The following CREBRF variants were observed in gnomAD, a reference collection of about 807,000 sequenced individuals.
The protein encoded by CREBRF is CREB3 regulatory factor.
A neutral mutation model predicts 66.1 loss-of-function variants in CREBRF; 5 were observed. The ratio of observed to expected loss-of-function variants is 0.08; its 90% confidence interval spans 0.04 to 0.16. The LOEUF is 0.16. Among genes scored for constraint, CREBRF ranks in the 10% least tolerant of loss-of-function variants. The pLI is 1.00. For synonymous variants in CREBRF, 229 were observed against 264.4 expected, an observed-to-expected ratio of 0.87 and a Z score of 1.30; for missense variants, 531 against 744.9, an observed-to-expected ratio of 0.71 and a Z score of 3.34.
Position 173,059,256 on chromosome 5 carries a change from C to CTTTTTTTTTTT in CREBRF, c.-192+2785_-192+2786insTTTTTTTTTTT, listed in dbSNP as rs780723745. On this transcript the variant is annotated intron_variant, in intron 1 of 8. Coordinates refer to ENST00000296953, the MANE Select transcript of CREBRF (RefSeq NM_153607.3). ...AGCTTATTTATCAGTTCTTCTTTTTCTTTTTTTTCTTTTTTTTTTTTTTTT... is the reference window on the plus strand; with the variant it reads ...AGCTTATTTATCAGTTCTTCTTTTTCTTTTTTTTTTTTTTTTTTTCTTTTTTTTTTTTTTTT... Among the ~76,000 whole-genome samples, 62 of 117,634 alleles carry CTTTTTTTTTTT rather than the reference C, an allele frequency of 5.3e-4. 4 individuals are homozygous for CTTTTTTTTTTT. Among genetic ancestry groups the CTTTTTTTTTTT allele is most frequent in the African/African-American group, 7.7e-4 (24 of 31,310 alleles). The allele number at this position is 117,634 out of a possible 152,430, so 77.2% of individuals were successfully genotyped here.
At chr5:173,092,587 GTTA>G (rs1237977784) in intron 4 of CREBRF, among the ~76,000 whole-genome samples, 1 of 151,350 alleles carries the variant, frequency 6.6e-6, no homozygotes, top group Non-Finnish European at 1.5e-5. Flanking sequence ...TGAAAACTAA[GTTA>G]TTATTTAAAA....
At chr5:173,082,014 T>TTTTTTTTTTTTTTTTTG (rs1554123741) in intron 2 of CREBRF, among the ~76,000 whole-genome samples, 1,712 of 113,788 alleles carry the variant, frequency 0.015, 73 homozygotes, top group Non-Finnish European at 0.026. Context: ...TTTTTTTTTT[T>TTTTTTTTTTTTTTTTTG]TTTTTTTTTT....
chr5:173,092,176 A>C, intron 4 of CREBRF: 2 of 945,954 alleles, frequency 2.1e-6, no homozygotes, highest in Non-Finnish European at 2.5e-6. Context: ...AGAATGTTGA[A>C]CCAAGTGATG....
chr5:173,057,904 T>G (rs1052049093), intron 1 of CREBRF, among the ~76,000 whole-genome samples: 2 of 151,368 alleles, frequency 1.3e-5, no homozygotes, highest in Non-Finnish European at 2.9e-5. Context: ...CTTGCTAACA[T>G]AAGTTGGTAG....
intron 1 of CREBRF, among the ~76,000 whole-genome samples, chr5:173,066,724 TA>T (rs1281722489): frequency 6.6e-6 from 1 of 151,914 alleles, no homozygotes; most frequent in East Asian, 1.9e-4. Flanking sequence ...AATCTTTTGG[TA>T]GAATGTGTTG....
At chr5:173,086,319 A>G (rs1416586402) in intron 2 of CREBRF, 182 bp from the exon 3 acceptor site, 1 of 650,478 alleles carries the variant, frequency 1.5e-6, no homozygotes, top group Admixed American at 2.8e-5. Context: ...TATTTTCCTA[A>G]TATAAGTCTA....
chr5:173,062,665 A>C (rs1757308500), intron 1 of CREBRF, among the ~76,000 whole-genome samples: 1 of 150,684 alleles, frequency 6.6e-6, no homozygotes, highest in African/African-American at 2.4e-5. Context: ...TGTGGATGGA[A>C]TCTCTTATTT....
rs138562616 is a variant in CREBRF, at chr5:173,086,512, C to G, written c.21C>G (p.Ser7Arg). 6.2e-7 allele frequency: 1 copy of G among 1,613,446 alleles called. No individual in the cohort carries two copies. Among genetic ancestry groups the G allele is most frequent in the East Asian group, 2.2e-5 (1 of 44,858 alleles). MPQPSV[S>R]GMDPPFGDAF... ...TCACTCTGTTGTAGCCTAGTGTAAG[C>G]GGAATGGATCCGCCTTTCGGGGATG... is the stretch of plus-strand genomic sequence containing the variant. Residue 7 changes from serine (S) to arginine (R), a missense_variant, in exon 3 of 9, where the codon AGC (serine) becomes AGG (arginine). By Grantham distance (110) the Ser-to-Arg change is moderately radical. Transcript: ENST00000296953.
chr5:173,106,901 C>G (rs973414235), intron 4 of CREBRF, among the ~76,000 whole-genome samples: 7 of 152,132 alleles, frequency 4.6e-5, no homozygotes, highest in Non-Finnish European at 1.0e-4. Context: ...AGGCACCCAC[C>G]ACCATGCCCG....
At position 173,090,498 on chromosome 5, in the gene CREBRF, T is replaced by A. The variant is rs1373569127; in HGVS notation, c.319T>A (p.Cys107Ser). ...AACGAAATATACCAAACTAACCAGCTGTGACATCTGGGGAACAAAAGAAGT... is the reference window on the plus strand; with the variant it reads ...AACGAAATATACCAAACTAACCAGCAGTGACATCTGGGGAACAAAAGAAGT... Reference protein sequence around the residue: ...DLTKYTKLTSCDIWGTKEVDY... With the variant: ...DLTKYTKLTSSDIWGTKEVDY... The change falls in exon 4 of 9, where the codon TGT becomes AGT. Residue 107 changes from cysteine (C) to serine (S), a missense_variant. Around this residue, in one of 5 missense-constraint regions of CREBRF, gnomAD observed 133 missense variants for 215.6 expected, o/e 0.62. Transcript: ENST00000296953. The surrounding 1 kb of genome is among the most constrained non-coding windows in gnomAD (Gnocchi z 4.5). The A allele has an allele frequency of 6.2e-7, 1 of 1,613,342 alleles. No homozygotes were observed. The highest frequency in any genetic ancestry group is 8.5e-7 in the Non-Finnish European group (1 of 1,179,370).
chr5:173,115,276 T>G (rs1758962863), intron 7 of CREBRF, among the ~76,000 whole-genome samples: 1 of 151,952 alleles, frequency 6.6e-6, no homozygotes, highest in South Asian at 2.1e-4. Context: ...CCTGGCTAAT[T>G]TTGTATTTTT....
chr5:173,074,978 A>C (rs1294212238), intron 1 of CREBRF, among the ~76,000 whole-genome samples: 2 of 152,188 alleles, frequency 1.3e-5, no homozygotes, highest in Non-Finnish European at 2.9e-5. Context: ...TACATTGATC[A>C]GGTATACAGA....
At chr5:173,117,622 A>ACTCCCTCCCTCC (rs759267241) in intron 7 of CREBRF, among the ~76,000 whole-genome samples, 1 of 20,236 alleles carries the variant, frequency 4.9e-5, no homozygotes, top group Non-Finnish European at 9.5e-5. Flanking sequence ...TCCCTCCCTC[A>ACTCCCTCCCTCC]CTCCCTCCCT....
intron 8 of CREBRF, 106 bp downstream of exon 8, chr5:173,123,308 T>C: frequency 1.8e-6 from 2 of 1,083,378 alleles, no homozygotes; most frequent in Non-Finnish European, 2.6e-6. Flanking sequence ...ACTCAAGTGC[T>C]CTCATTGTAA....
chr5:173,099,819 T>C (rs1052200351), intron 4 of CREBRF, among the ~76,000 whole-genome samples: 1 of 152,034 alleles, frequency 6.6e-6, no homozygotes, highest in African/African-American at 2.4e-5. Context: ...CTCTACACTT[T>C]ACACTTTTTA....
intron 4 of CREBRF, chr5:173,091,894 G>A (rs1456701823): frequency 1.2e-5 from 6 of 491,092 alleles, no homozygotes; most frequent in African/African-American, 6.3e-5. Context: ...AGACCAGCCC[G>A]GCCAACACAG....
At chr5:173,098,743 T>C (rs1758540372) in intron 4 of CREBRF, among the ~76,000 whole-genome samples, 1 of 152,204 alleles carries the variant, frequency 6.6e-6, no homozygotes, top group South Asian at 2.1e-4. Flanking sequence ...TCTATTAATA[T>C]TTGGTTCATT....
At chr5:173,091,463 G>T in intron 4 of CREBRF, 62 bp downstream of exon 4, 2 of 1,548,398 alleles carry the variant, frequency 1.3e-6, no homozygotes, top group South Asian at 1.2e-5. Flanking sequence ...AAATAGAAAG[G>T]TTTTTGTTTC....
chr5:173,118,161 A>G (rs988598727), intron 7 of CREBRF, among the ~76,000 whole-genome samples: 3 of 152,148 alleles, frequency 2.0e-5, no homozygotes, highest in Admixed American at 2.0e-4. Flanking sequence ...GGCGTGAGCC[A>G]CGGTGCCTGG....
Sources: gnomAD v4.1 joint callset for allele counts (sites outside exome capture counted in the v4.1 genomes callset) on GRCh38, gnomAD v4.1.1 for gene constraint, gnomAD v4.1.1 regional missense constraint, Gnocchi (gnomAD v3.1) non-coding constraint, MANE v1.5 for transcripts, NCBI Gene and HGNC (gene_info 2026-07-23, HGNC 2026-07-21) for gene names.